RUFY3: variants seen among roughly 807,000 people sequenced by gnomAD.
RUFY3 encodes RUN and FYVE domain containing 3.
A neutral mutation model predicts 84.0 loss-of-function variants in RUFY3; 34 were observed. The ratio of observed to expected loss-of-function variants is 0.40; its 90% CI spans 0.31 to 0.54. The LOEUF (loss-of-function observed/expected upper bound fraction) is 0.54, where lower values mean the gene tolerates loss of function less well. Among genes scored for constraint, RUFY3 ranks in the 20% least tolerant of loss-of-function variants. The probability of loss-of-function intolerance (pLI) is 0.39; values close to 1 mark genes in which losing one functional copy is unlikely to be tolerated. For synonymous variants in RUFY3, 242 were observed against 252.9 expected, an observed-to-expected ratio of 0.96 and a Z score of 0.41; for missense variants, 507 against 736.8, an observed-to-expected ratio of 0.69 and a Z score of 3.61.
intron 1 of RUFY3, among the ~76,000 whole-genome samples, chr4:70,739,807 T>A (rs904319436): frequency 6.7e-6 from 1 of 148,268 alleles, no homozygotes; most frequent in Non-Finnish European, 1.5e-5. Flanking sequence ...TACCAGACCA[T>A]GTACTCCAGA....
intron 1 of RUFY3, chr4:70,734,280 T>G: frequency 4.7e-6 from 2 of 428,192 alleles, no homozygotes; most frequent in Non-Finnish European, 6.2e-6. Flanking sequence ...ACCTGAGTCA[T>G]TGGGATTCTC....
chr4:70,791,435 T>C, intron 12 of RUFY3: 1 of 1,403,788 alleles, frequency 7.1e-7, no homozygotes, highest in South Asian at 1.8e-5. Flanking sequence ...TGTTGGACTT[T>C]TAAAAAACCA....
At chr4:70,794,386 G>A (rs981820135) in intron 13 of RUFY3, among the ~76,000 whole-genome samples, 2 of 152,184 alleles carry the variant, frequency 1.3e-5, no homozygotes, top group Non-Finnish European at 1.5e-5. Flanking sequence ...TTCCAGACCA[G>A]CCTGGCCAAG....
At chr4:70,751,889 A>T (rs1578083051) in intron 1 of RUFY3, among the ~76,000 whole-genome samples, 1 of 152,268 alleles carries the variant, frequency 6.6e-6, no homozygotes, top group South Asian at 2.1e-4. Flanking sequence ...GAGCTTTTTA[A>T]AAAATTATTT....
intron 10 of RUFY3, among the ~76,000 whole-genome samples, chr4:70,786,406 T>TA (rs1729822093): frequency 6.6e-6 from 1 of 152,054 alleles, no homozygotes; most frequent in Non-Finnish European, 1.5e-5. Context: ...TCTTTTTTTT[T>TA]ATTGATGCAT....
intron 2 of RUFY3, among the ~76,000 whole-genome samples, chr4:70,763,338 CTGTT>C (rs1388332651): frequency 3.9e-5 from 6 of 152,028 alleles, no homozygotes; most frequent in Non-Finnish European, 8.8e-5. Flanking sequence ...AGGCCACAAA[CTGTT>C]TGTGAAAGAA....
chr4:70,764,413 C>A (rs541809693), intron 3 of RUFY3, 62 bp from the exon 4 acceptor site: 4 of 1,108,834 alleles, frequency 3.6e-6, no homozygotes, highest in Non-Finnish European at 5.5e-6. Flanking sequence ...TGAACTGATT[C>A]TACTGTAGCC....
intron 1 of RUFY3, among the ~76,000 whole-genome samples, chr4:70,744,135 A>G (rs1721760083): frequency 6.6e-6 from 1 of 152,158 alleles, no homozygotes; most frequent in Non-Finnish European, 1.5e-5. Flanking sequence ...GCTGTTTTCA[A>G]TGCTGTTTCT....
chr4:70,720,968 C>G (rs543706850), upstream of RUFY3, among the ~76,000 whole-genome samples: 2 of 149,160 alleles, frequency 1.3e-5, no homozygotes, highest in Non-Finnish European at 3.0e-5. Flanking sequence ...AGTATCTTAT[C>G]GAATGGGAGG....
intron 4 of RUFY3, among the ~76,000 whole-genome samples, chr4:70,766,849 GT>G (rs1726026300): frequency 1.3e-5 from 2 of 152,114 alleles, no homozygotes; most frequent in African/African-American, 4.8e-5. Flanking sequence ...ATACAAAATA[GT>G]TTCATGGCCC....
intron 4 of RUFY3, among the ~76,000 whole-genome samples, chr4:70,764,812 C>T (rs1315826177): frequency 4.6e-5 from 7 of 152,136 alleles, no homozygotes; most frequent in Non-Finnish European, 7.3e-5. Context: ...CAAGACTTAC[C>T]TCTAGAAAAC....
At chr4:70,749,416 A>G (rs1030036476) in intron 1 of RUFY3, among the ~76,000 whole-genome samples, 3 of 152,120 alleles carry the variant, frequency 2.0e-5, no homozygotes, top group Admixed American at 6.5e-5. Flanking sequence ...TTAATCTATT[A>G]AAGATTAGAG....
upstream of RUFY3, among the ~76,000 whole-genome samples, chr4:70,719,859 G>A (rs1037531366): frequency 6.6e-6 from 1 of 152,154 alleles, no homozygotes; most frequent in Non-Finnish European, 1.5e-5. Flanking sequence ...CTAGTGCCTG[G>A]ATCACTACCT....
intron 14 of RUFY3, among the ~76,000 whole-genome samples, chr4:70,798,939 C>T (rs987518089): frequency 3.3e-5 from 5 of 150,098 alleles, no homozygotes; most frequent in Non-Finnish European, 7.4e-5. Flanking sequence ...CTACCTGGGT[C>T]GGGAGTTCAA....
In RUFY3 at chr4:70,705,209, C is replaced by A. The variant is rs984109283; in HGVS notation, c.273C>A (p.Thr91=). 4.1e-6 allele frequency: 6 copies of A among 1,461,484 alleles called. No individual in the cohort carries two copies. The African/African-American group carries it at 7.4e-5, about 18-fold the overall frequency. 90.5% of individuals were successfully genotyped at this position (1,461,484 alleles called of 1,614,324 possible). Residue 91 remains threonine (T), a synonymous_variant, in exon 1 of 12, where the codon ACC becomes ACA. Coordinates refer to the RUFY3 transcript ENST00000417478. The stretch of plus-strand genomic sequence containing the variant: ...CGCAGCAGCAGCGCTCCTGGAGGAC[C>A]CCGCCGTCCCCCGGCTCACCGCTGC...
upstream of RUFY3, among the ~76,000 whole-genome samples, chr4:70,718,173 G>C (rs778511136): frequency 3.3e-5 from 5 of 152,012 alleles, no homozygotes; most frequent in African/African-American, 1.2e-4. Flanking sequence ...GTGAGCCACC[G>C]CACCCAGCCC....
chr4:70,750,000 C>CTT (rs1214596815), intron 1 of RUFY3, among the ~76,000 whole-genome samples: 2 of 142,646 alleles, frequency 1.4e-5, no homozygotes, highest in African/African-American at 5.1e-5. Flanking sequence ...AATTATGAAA[C>CTT]TTTTTTTTTT....
At chr4:70,800,044 T>C in intron 14 of RUFY3, 97 bp from the exon 15 acceptor site, 1 of 1,162,000 alleles carries the variant, frequency 8.6e-7, no homozygotes, top group Non-Finnish European at 1.2e-6. Flanking sequence ...GCTACTTAGC[T>C]TTATACCCAA....
At chr4:70,720,754 A>G (rs1742179186), upstream of RUFY3, among the ~76,000 whole-genome samples, 1 of 152,244 alleles carries the variant, frequency 6.6e-6, no homozygotes, top group Non-Finnish European at 1.5e-5. Context: ...AAACAAACAA[A>G]CACTTTCTTT....
Sources: allele counts gnomAD v4.1 joint callset (sites outside exome capture counted in the v4.1 genomes callset), GRCh38; gene constraint gnomAD v4.1.1; transcripts MANE v1.5; gene names NCBI Gene and HGNC (gene_info 2026-07-23, HGNC 2026-07-21).